The following UBE2D2 variants were observed in gnomAD, a reference collection of about 807,000 sequenced individuals.
UBE2D2 encodes the protein ubiquitin conjugating enzyme E2 D2.
A neutral mutation model predicts 24.2 loss-of-function variants in UBE2D2; 2 were observed. That is an observed-to-expected ratio of 0.08 (90% CI 0.03 to 0.26). UBE2D2 has a LOEUF of 0.26. Ranked by LOEUF, UBE2D2 falls within the 10% of genes least tolerant of loss-of-function variation. UBE2D2 has a pLI of 1.00. For synonymous variants in UBE2D2, 58 were observed against 56.5 expected (o/e 1.03, Z -0.12); for missense variants, 44 against 177.6 (o/e 0.25, Z 4.28).
At chr5:139,533,494 A>C (rs1191614810) in intron 1 of UBE2D2, among the ~76,000 whole-genome samples, 3 of 151,922 alleles carry the variant, frequency 2.0e-5, no homozygotes, top group Non-Finnish European at 4.4e-5. Context: ...TACTAAAAAT[A>C]CAAAAATTAG....
At chr5:139,580,609 G>A (rs1377812147) in intron 1 of UBE2D2, among the ~76,000 whole-genome samples, 1 of 152,110 alleles carries the variant, frequency 6.6e-6, no homozygotes, top group East Asian at 1.9e-4. Flanking sequence ...ACCACACCCG[G>A]CTAATTTCTT....
chr5:139,571,386 G>A lies in UBE2D2; in HGVS notation c.24+9571G>A, dbSNP rs139236614. Among the ~76,000 whole-genome samples the A allele has an allele frequency of 1.2e-3, 175 of 141,304 alleles. 1 individual carries two copies. Among genetic ancestry groups the A allele is most frequent in the Admixed American group, 0.012 (162 of 13,288 alleles). 92.7% of individuals were successfully genotyped at this position (141,304 alleles called of 152,430 possible). ...CGTGCCACTGTACTCTAGTCTGGGC[G>A]ACAGAGCAAGACTCCCTCTCAAAAA... On this transcript the variant is annotated intron_variant, in intron 1 of 6. Coordinates refer to ENST00000398733, the MANE Select transcript of UBE2D2 (RefSeq NM_003339.3).
intron 1 of UBE2D2, among the ~76,000 whole-genome samples, chr5:139,580,636 C>T (rs759779908): frequency 7.9e-5 from 12 of 152,144 alleles, no homozygotes; most frequent in East Asian, 3.9e-4. Flanking sequence ...TTAGTAGAGA[C>T]GGAGTTTCAC....
At chr5:139,584,176 A>G (rs900296906) in intron 1 of UBE2D2, among the ~76,000 whole-genome samples, 1 of 151,838 alleles carries the variant, frequency 6.6e-6, no homozygotes, top group Non-Finnish European at 1.5e-5. Context: ...TTTTTTCCTC[A>G]TGTTTTTACC....
At chr5:139,601,923 AG>A (rs372433255) in intron 2 of UBE2D2, among the ~76,000 whole-genome samples, 2 of 151,896 alleles carry the variant, frequency 1.3e-5, no homozygotes, top group South Asian at 2.1e-4. Context: ...AAAAAAAAAA[AG>A]AAAAAAAAAT....
chr5:139,625,049 C>T (rs936951513), intron 6 of UBE2D2, among the ~76,000 whole-genome samples: 5 of 151,048 alleles, frequency 3.3e-5, no homozygotes, highest in Admixed American at 2.0e-4. Flanking sequence ...TGCCCCCACC[C>T]TCTAACCCCC....
At chr5:139,533,814 ACT>A (rs1367735779) in intron 1 of UBE2D2, among the ~76,000 whole-genome samples, 1 of 147,738 alleles carries the variant, frequency 6.8e-6, no homozygotes, top group Non-Finnish European at 1.5e-5. Flanking sequence ...ACGGAGTCTC[ACT>A]CTGTCACCCA....
intron 1 of UBE2D2, among the ~76,000 whole-genome samples, chr5:139,572,907 G>GT (rs2126656920): frequency 6.6e-6 from 1 of 152,144 alleles, no homozygotes; most frequent in East Asian, 1.9e-4. Flanking sequence ...GCCTTTCAAT[G>GT]TGCTGGGATT....
At chr5:139,539,050 C>T (rs1581480384) in intron 1 of UBE2D2, among the ~76,000 whole-genome samples, 4 of 151,514 alleles carry the variant, frequency 2.6e-5, no homozygotes, top group Admixed American at 2.0e-4. Flanking sequence ...TTTGAGATGG[C>T]GTCTCGCTCT....
chr5:139,619,094 T>G (rs897406912), intron 5 of UBE2D2, among the ~76,000 whole-genome samples: 16 of 152,190 alleles, frequency 1.1e-4, no homozygotes, highest in Non-Finnish European at 1.5e-5. Context: ...ACTGTTGCTG[T>G]AACACTAGTG....
chr5:139,550,562 C>T (rs769943732), intron 1 of UBE2D2, among the ~76,000 whole-genome samples: 35 of 152,084 alleles, frequency 2.3e-4, no homozygotes, highest in South Asian at 1.5e-3. Flanking sequence ...TTCTCTTCCA[C>T]GCTCACGCTA....
At chr5:139,548,189 AAAAAAAAT>A (rs1752862177) in intron 1 of UBE2D2, among the ~76,000 whole-genome samples, 1 of 18,652 alleles carries the variant, frequency 5.4e-5, no homozygotes, top group Non-Finnish European at 1.0e-4. Flanking sequence ...AAAAATAAAA[AAAAAAAAT>A]AAATAAATAA....
intron 2 of UBE2D2, among the ~76,000 whole-genome samples, chr5:139,603,569 C>T (rs1225513113): frequency 1.4e-5 from 2 of 144,714 alleles, no homozygotes; most frequent in African/African-American, 5.2e-5. Flanking sequence ...TTGTGGTGAG[C>T]CGAGATCCCG....
chr5:139,575,907 A>G (rs767102687), intron 1 of UBE2D2, among the ~76,000 whole-genome samples: 2 of 152,274 alleles, frequency 1.3e-5, no homozygotes, highest in African/African-American at 2.4e-5. Flanking sequence ...AGTCATAGCT[A>G]CTGGGAAGAC....
At position 139,552,186 on chromosome 5, in the gene UBE2D2, G is replaced by A. The variant is rs1240874735; in HGVS notation, c.-64+25574G>A. ...AACTTTTTTTTTTTTTTTTTGAGAC[G>A]GAGTCTCACTCTGTTGCCCAGACTG... On this transcript the variant is annotated intron_variant, in intron 1 of 6. Coordinates refer to the UBE2D2 transcript ENST00000511725. Among the ~76,000 whole-genome samples, 17 of 145,798 alleles carry A rather than the reference G, an allele frequency of 1.2e-4. 1 individual carries two copies. Among genetic ancestry groups the A allele is most frequent in the Admixed American group, 4.2e-4 (6 of 14,456 alleles).
intron 1 of UBE2D2, among the ~76,000 whole-genome samples, chr5:139,582,370 T>C (rs888846427): frequency 1.3e-5 from 2 of 151,638 alleles, no homozygotes; most frequent in Middle Eastern, 3.4e-3. Context: ...TCAGGTGACG[T>C]CCAGCTAATT....
intron 5 of UBE2D2, among the ~76,000 whole-genome samples, chr5:139,615,463 C>T (rs1754403029): frequency 6.6e-6 from 1 of 150,540 alleles, no homozygotes; most frequent in Non-Finnish European, 1.5e-5. Flanking sequence ...CCAGCCTGGG[C>T]AACAGAGCGA....
At chr5:139,574,319 T>G (rs1275221847) in intron 1 of UBE2D2, among the ~76,000 whole-genome samples, 4 of 151,800 alleles carry the variant, frequency 2.6e-5, no homozygotes, top group African/African-American at 9.7e-5. Flanking sequence ...AGAAAAATAT[T>G]ACTGTCTTTA....
Position 139,587,672 on chromosome 5 carries a change from C to CAAAAAAAA in UBE2D2, c.25-12685_25-12678dup, listed in dbSNP as rs766266617. On this transcript the variant is annotated intron_variant, in intron 1 of 6. Coordinates refer to ENST00000398733, the MANE Select transcript of UBE2D2 (RefSeq NM_003339.3). ...TGGCCGACAGAGCAAGACCCCATCTCAAAAAAAAAAAAAAAAAAAAAACGG... is the reference window on the plus strand; with the variant it reads ...TGGCCGACAGAGCAAGACCCCATCTCAAAAAAAAAAAAAAAAAAAAAAAAAAAAAACGG... Among the ~76,000 whole-genome samples, 2 of 35,558 alleles carry CAAAAAAAA rather than the reference C, an allele frequency of 5.6e-5. 1 individual carries two copies. The allele number at this position is 35,558 out of a possible 152,430, so 23.3% of individuals were successfully genotyped here.
Sources: gnomAD v4.1 joint callset for allele counts (sites outside exome capture counted in the v4.1 genomes callset) on GRCh38, gnomAD v4.1.1 for gene constraint, MANE v1.5 for transcripts, NCBI Gene and HGNC (gene_info 2026-07-23, HGNC 2026-07-21) for gene names.